CNTNAP2: variants seen among roughly 807,000 people sequenced by gnomAD.
CNTNAP2 encodes contactin associated protein 2.
Under a neutral mutation model 155.2 loss-of-function variants are expected in CNTNAP2, and 98 were observed. The ratio of observed to expected loss-of-function variants is 0.63; its 90% CI spans 0.54 to 0.75. The LOEUF (loss-of-function observed/expected upper bound fraction) is 0.75. CNTNAP2 is among the 30% of genes least tolerant of loss of function. The pLI, the probability that CNTNAP2 is intolerant of heterozygous loss-of-function variation, is 0.00. For missense variants in CNTNAP2, 1,727 were observed against 1,688.1 expected (o/e 1.02, Z -0.40); for synonymous variants, 651 against 631.2 (o/e 1.03, Z -0.47).
chr7:146,853,894 A>G (rs2129203649), intron 3 of CNTNAP2, among the ~76,000 whole-genome samples: 1 of 152,348 alleles, frequency 6.6e-6, no homozygotes, highest in Admixed American at 6.5e-5. Flanking sequence ...TACAATTTAT[A>G]AACAATAATG....
intron 3 of CNTNAP2, among the ~76,000 whole-genome samples, chr7:147,022,218 T>C (rs1340833041): frequency 2.0e-5 from 3 of 152,144 alleles, no homozygotes; most frequent in South Asian, 4.1e-4. Flanking sequence ...GATTTCATTG[T>C]AAGAGTTCAG....
At chr7:147,052,381 T>A (rs1799488886) in intron 4 of CNTNAP2, among the ~76,000 whole-genome samples, 1 of 152,068 alleles carries the variant, frequency 6.6e-6, no homozygotes, top group Admixed American at 6.6e-5. Flanking sequence ...TGAACTGACA[T>A]CAAATGTAAA....
At chr7:147,620,352 A>T (rs1466995856) in intron 12 of CNTNAP2, among the ~76,000 whole-genome samples, 1 of 152,222 alleles carries the variant, frequency 6.6e-6, no homozygotes, top group African/African-American at 2.4e-5. Flanking sequence ...CCAGGAACCA[A>T]TCCTAGTGAA....
intron 16 of CNTNAP2, among the ~76,000 whole-genome samples, chr7:148,141,778 G>A (rs1805077291): frequency 2.6e-5 from 4 of 152,208 alleles, no homozygotes; most frequent in Admixed American, 2.6e-4. Flanking sequence ...AATGTTTAGG[G>A]ATGGAGTTTC....
chr7:147,317,418 T>C (rs1795251345), intron 9 of CNTNAP2, among the ~76,000 whole-genome samples: 2 of 152,246 alleles, frequency 1.3e-5, no homozygotes, highest in Admixed American at 6.5e-5. Flanking sequence ...CTTTCTGTGT[T>C]ACACACATCA....
At chr7:147,237,519 T>A (rs908031907) in intron 8 of CNTNAP2, among the ~76,000 whole-genome samples, 2 of 152,252 alleles carry the variant, frequency 1.3e-5, no homozygotes, top group Non-Finnish European at 2.9e-5. Flanking sequence ...GTATCTTATC[T>A]ACAACTCCAT....
chr7:147,770,577 G>A (rs1797453806), intron 13 of CNTNAP2, among the ~76,000 whole-genome samples: 1 of 152,050 alleles, frequency 6.6e-6, no homozygotes, highest in African/African-American at 2.4e-5. Context: ...GATAATAAAA[G>A]TAACAAAAAG....
At chr7:146,129,416 T>A (rs1356934189) in intron 1 of CNTNAP2, among the ~76,000 whole-genome samples, 1 of 152,210 alleles carries the variant, frequency 6.6e-6, no homozygotes, top group Non-Finnish European at 1.5e-5. Flanking sequence ...TTTCCACATA[T>A]GGATTTTCAA....
rs562885581 is a variant in CNTNAP2 at position 146,983,491 on chromosome 7, A to G, written c.403-60416A>G. On this transcript the variant is annotated intron_variant, in intron 3 of 23. Coordinates refer to ENST00000361727, the MANE Select transcript of CNTNAP2 (RefSeq NM_014141.6). Reference sequence around the variant, plus strand: ...GAAGCAAAAAGTATTAATGCACTAAAGAGTTGCTTCAGGATGCCTCCCTTG... The same window carrying G: ...GAAGCAAAAAGTATTAATGCACTAAGGAGTTGCTTCAGGATGCCTCCCTTG... 2.6e-5 allele frequency among the ~76,000 whole-genome samples: 4 copies of G among 152,356 alleles called. No individual in the cohort carries two copies. The South Asian group carries it at 8.3e-4, about 32-fold the overall frequency.
At chr7:148,209,537 A>T (rs1031126716) in intron 18 of CNTNAP2, among the ~76,000 whole-genome samples, 2 of 151,556 alleles carry the variant, frequency 1.3e-5, no homozygotes, top group Admixed American at 6.6e-5. Flanking sequence ...CAAAAATCCG[A>T]GTCTGTCTTA....
Position 147,121,107 on chromosome 7 carries a change from A to C in CNTNAP2, c.883A>C (p.Ser295Arg). The change falls in exon 6 of 24, where the codon AGC becomes CGC. Residue 295 changes from serine to arginine, a missense_variant. Physicochemically the swap from Ser to Arg is moderately radical, Grantham distance 110. Coordinates refer to ENST00000361727, the MANE Select transcript of CNTNAP2 (RefSeq NM_014141.6). Reference protein sequence around the residue: ...GRSINLTLDRSMQHFRTNGEF... With the variant: ...GRSINLTLDRRMQHFRTNGEF... The stretch of plus-strand genomic sequence containing the variant: ...GAGCATTAACCTCACTCTGGACAGG[A>C]GCATGCAGCACTTCCGTACCAATGG... 1 of 1,614,168 alleles carries C rather than the reference A, an allele frequency of 6.2e-7. No homozygotes were observed. Among genetic ancestry groups the C allele is most frequent in the Non-Finnish European group, 8.5e-7 (1 of 1,180,018 alleles).
Position 147,903,724 on chromosome 7 carries a change from G to A in CNTNAP2, c.2255+3G>A, listed in dbSNP as rs1366034966. ...TGCGACGCGGACTACAAGCAATGGTGAGTGCCTGCGGGCAGCACAGCCAGG... is the reference window on the plus strand; with the variant it reads ...TGCGACGCGGACTACAAGCAATGGTAAGTGCCTGCGGGCAGCACAGCCAGG... On this transcript the variant is annotated splice_donor_region_variant and intron_variant, in intron 14 of 23. Transcript: ENST00000361727. 6.2e-6 allele frequency: 10 copies of A among 1,613,352 alleles called. No homozygotes were observed. Among genetic ancestry groups the A allele is most frequent in the Middle Eastern group, 3.3e-4 (2 of 6,060 alleles).
In CNTNAP2 at chr7:146,363,635, C is replaced by T. The variant is rs925596104; in HGVS notation, c.97+246662C>T. ...AAGACAAAATCAGAGGTCAATGCTGCGGAGAGTTGAACCAAATGACACGAG... is the reference window on the plus strand; with the variant it reads ...AAGACAAAATCAGAGGTCAATGCTGTGGAGAGTTGAACCAAATGACACGAG... On this transcript the variant is annotated intron_variant, in intron 1 of 23. Coordinates refer to ENST00000361727, the MANE Select transcript of CNTNAP2 (RefSeq NM_014141.6). Among the ~76,000 whole-genome samples the T allele has an allele frequency of 2.6e-5, 4 of 152,108 alleles. 1 individual carries two copies. Among genetic ancestry groups the T allele is most frequent in the South Asian group, 2.1e-4 (1 of 4,826 alleles).
At chr7:147,125,010 A>G (rs559833479) in intron 6 of CNTNAP2, among the ~76,000 whole-genome samples, 2 of 149,660 alleles carry the variant, frequency 1.3e-5, no homozygotes, top group East Asian at 4.0e-4. Flanking sequence ...CCTCCTGAGT[A>G]GCTGGGACTA....
At chr7:147,181,455 A>G (rs1022103255) in intron 8 of CNTNAP2, among the ~76,000 whole-genome samples, 1 of 152,252 alleles carries the variant, frequency 6.6e-6, no homozygotes, top group Non-Finnish European at 1.5e-5. Flanking sequence ...AAAAGTTTAG[A>G]TAATGTAAAT....
chr7:148,200,696 G>GA (rs1795356193), intron 18 of CNTNAP2, among the ~76,000 whole-genome samples: 2 of 152,076 alleles, frequency 1.3e-5, no homozygotes, highest in Admixed American at 1.3e-4. Context: ...TTTTTTTAAA[G>GA]AAAAATGCTA....
rs1162239261 is a variant in CNTNAP2 at position 148,331,752 on chromosome 7, GGACGGATGGAT to G, written c.3476-51896_3476-51886del. On this transcript the variant is annotated intron_variant, in intron 21 of 23. Coordinates refer to ENST00000361727, the MANE Select transcript of CNTNAP2 (RefSeq NM_014141.6). ...GATGGATGGAGTGGATGGATGGAAC[GGACGGATGGAT>G]TGGATGGATGGAATGGACAGATGGA... is the stretch of plus-strand genomic sequence containing the variant. Among the ~76,000 whole-genome samples, 264 of 103,250 alleles carry G rather than the reference GGACGGATGGAT, an allele frequency of 2.6e-3. 72 individuals carry two copies. Among genetic ancestry groups the G allele is most frequent in the East Asian group, 3.0e-3 (12 of 3,944 alleles). The allele number at this position is 103,250 out of a possible 152,430, so 67.7% of individuals were successfully genotyped here. A position where few individuals can be genotyped will look rare whatever the true frequency, so the allele number is the denominator to read the frequency against.
At chr7:146,493,918 A>T (rs756010958) in intron 1 of CNTNAP2, among the ~76,000 whole-genome samples, 40 of 152,196 alleles carry the variant, frequency 2.6e-4, no homozygotes, top group Non-Finnish European at 3.7e-4. Context: ...TATTGAGTAC[A>T]GTGTACCCTG....
At chr7:148,149,663 T>C (rs1805260428) in intron 17 of CNTNAP2, among the ~76,000 whole-genome samples, 2 of 152,132 alleles carry the variant, frequency 1.3e-5, no homozygotes, top group Admixed American at 1.3e-4. Flanking sequence ...GTGATTCTCC[T>C]GCCTCAGCCT....
Sources: allele counts gnomAD v4.1 joint callset (sites outside exome capture counted in the v4.1 genomes callset), GRCh38; gene constraint gnomAD v4.1.1; transcripts MANE v1.5; gene names NCBI Gene and HGNC (gene_info 2026-07-23, HGNC 2026-07-21).